Variants in CAPN8 observed in about 807,000 individuals in gnomAD.
CAPN8 encodes the protein calpain-8.
CAPN8 carries 87 observed loss-of-function variants against 80.9 expected under a neutral mutation model. The ratio of observed to expected loss-of-function variants is 1.07; its 90% CI spans 0.90 to 1.28. The LOEUF (loss-of-function observed/expected upper bound fraction) is 1.28, where lower values mean the gene tolerates loss of function less well. CAPN8 is among the 50% of genes most tolerant of loss of function. The pLI, the probability that CAPN8 is intolerant of heterozygous loss-of-function variation, is 0.00. For synonymous variants in CAPN8, 299 were observed against 273.8 expected (o/e 1.09, Z -0.91); for missense variants, 757 against 702.0 (o/e 1.08, Z -0.89).
At chr1:223,656,105 T>C (rs1401474205) in intron 1 of CAPN8, among the ~76,000 whole-genome samples, 9 of 151,596 alleles carry the variant, frequency 5.9e-5, no homozygotes, top group Non-Finnish European at 1.5e-5. Context: ...ATAGCCTCTA[T>C]AAGGTGCTGG....
chr1:223,614,128 G>A (rs1454354461), intron 10 of CAPN8, among the ~76,000 whole-genome samples: 1 of 152,186 alleles, frequency 6.6e-6, no homozygotes, highest in African/African-American at 2.4e-5. Context: ...GCTGAGTGCA[G>A]TGGCTCACGC....
In CAPN8 at chr1:223,549,349, T is replaced by G. The variant is rs1416017628; in HGVS notation, c.1733A>C (p.Asn578Thr). Residue 578 changes from asparagine (N) to threonine (T), a missense_variant, in exon 16 of 21, where the codon AAC becomes ACC. Asn to Thr is a moderately conservative substitution (Grantham distance 65). Transcript: ENST00000366872. Reference sequence around the variant, plus strand: ...CAGACTGATCATTTCCCTGCAAGTGTTGATGTTGAATCCATCGAATTTTAT... The same window carrying G: ...CAGACTGATCATTTCCCTGCAAGTGGTGATGTTGAATCCATCGAATTTTAT... ...TDIKFDGFNI[N>T]TCREMISLLD... The G allele has an allele frequency of 3.9e-6, 6 of 1,551,812 alleles. No homozygotes were observed. In the African/African-American group the frequency reaches 5.5e-5, roughly 14 times the overall value.
chr1:223,610,363 A>T (rs1217937506), intron 11 of CAPN8, among the ~76,000 whole-genome samples: 1 of 152,118 alleles, frequency 6.6e-6, no homozygotes, highest in Non-Finnish European at 1.5e-5. Flanking sequence ...GGCAGTCCCC[A>T]CTAACCCGGC....
At chr1:223,629,658 G>A (rs1657717946) in intron 2 of CAPN8, among the ~76,000 whole-genome samples, 1 of 152,166 alleles carries the variant, frequency 6.6e-6, no homozygotes, top group South Asian at 2.1e-4. Flanking sequence ...TAGAAGTGAC[G>A]TAACTTTGCT....
intron 2 of CAPN8, among the ~76,000 whole-genome samples, chr1:223,632,041 A>C (rs1033168366): frequency 2.0e-5 from 3 of 152,090 alleles, no homozygotes; most frequent in Non-Finnish European, 4.4e-5. Flanking sequence ...TCCGTTGCTG[A>C]CATCAAATGA....
At chr1:223,609,894 G>C (rs1365260374) in intron 11 of CAPN8, among the ~76,000 whole-genome samples, 1 of 152,226 alleles carries the variant, frequency 6.6e-6, no homozygotes, top group Non-Finnish European at 1.5e-5. Flanking sequence ...AGCTCTAAAA[G>C]AGACAGGCAG....
intron 2 of CAPN8, among the ~76,000 whole-genome samples, chr1:223,633,892 A>G (rs1657842463): frequency 6.6e-6 from 1 of 152,198 alleles, no homozygotes; most frequent in Non-Finnish European, 1.5e-5. Flanking sequence ...GACTGCAGGT[A>G]GAAAGAAAGA....
intron 19 of CAPN8, 145 bp from the exon 20 acceptor site, chr1:223,543,311 C>G: frequency 1.1e-6 from 1 of 929,600 alleles, no homozygotes; most frequent in East Asian, 2.7e-5. Context: ...CCCACCTAGG[C>G]CCAGGGGCCT....
chr1:223,645,563 G>T (rs1157690318), intron 2 of CAPN8, among the ~76,000 whole-genome samples: 2 of 152,200 alleles, frequency 1.3e-5, no homozygotes, highest in Non-Finnish European at 2.9e-5. Flanking sequence ...AGGGGGTGGG[G>T]GGACCACTCC....
intron 2 of CAPN8, among the ~76,000 whole-genome samples, chr1:223,647,803 T>C (rs896240892): frequency 2.0e-5 from 3 of 152,228 alleles, no homozygotes; most frequent in Non-Finnish European, 4.4e-5. Context: ...ATAATAATGC[T>C]GTGCTTTTCT....
chr1:223,551,638 G>A (rs1656789336), intron 14 of CAPN8, among the ~76,000 whole-genome samples: 2 of 152,218 alleles, frequency 1.3e-5, no homozygotes, highest in Admixed American at 1.3e-4. Flanking sequence ...GAACAGCAGT[G>A]ATAGGATTGA....
intron 20 of CAPN8, among the ~76,000 whole-genome samples, chr1:223,542,164 A>T (rs894456865): frequency 6.6e-6 from 1 of 151,838 alleles, no homozygotes; most frequent in Admixed American, 6.5e-5. Flanking sequence ...ACTATTATAT[A>T]CACACATATA....
In CAPN8 at chr1:223,665,524, G is replaced by A; in HGVS notation, c.123C>T (p.Asp41=). 1 of 1,551,776 alleles carries A rather than the reference G, an allele frequency of 6.4e-7. No individual in the cohort carries two copies. The highest frequency in any genetic ancestry group is 2.4e-5 in the East Asian group (1 of 40,906). Residue 41 remains aspartate, a synonymous_variant, in exon 1 of 21, where the codon GAC becomes GAT. Transcript: ENST00000366872. ...DFKTLRQQCL[D]SGVLFKDPEF... is the part of the protein sequence containing the mutation. ...CAGGGTCCTTAAATAGGACCCCTGA[G>A]TCCAAGCACTGTTGCCTCAGGGTCT...
chr1:223,650,645 C>A (rs912133553), intron 2 of CAPN8, among the ~76,000 whole-genome samples: 22 of 152,028 alleles, frequency 1.4e-4, no homozygotes, highest in Admixed American at 8.5e-4. Context: ...GTGCCAGGAA[C>A]ATTTAGATCC....
rs1011004394 is a variant in CAPN8 at position 223,627,130 on chromosome 1, A to G, written c.588T>C (p.Ala196=). 1.9e-6 allele frequency: 3 copies of G among 1,552,424 alleles called. No individual in the cohort carries two copies. In the Admixed American group the frequency reaches 5.9e-5, roughly 30 times the overall value. Residue 196 remains alanine (A), a synonymous_variant, in exon 5 of 21, where the codon GCT becomes GCC. Coordinates refer to ENST00000366872, the MANE Select transcript of CAPN8 (RefSeq NM_001143962.2). The part of the protein sequence containing the change: ...AKLNGCYEAL[A]GGSTVEGFED... Reference sequence around the variant, plus strand: ...CAAACCCCTCCACTGTGGAACCTCCAGCGAGAGCCTCATAACAACCATTAA... The same window carrying G: ...CAAACCCCTCCACTGTGGAACCTCCGGCGAGAGCCTCATAACAACCATTAA...
At chr1:223,638,136 C>T (rs1656717547) in intron 2 of CAPN8, among the ~76,000 whole-genome samples, 2 of 152,044 alleles carry the variant, frequency 1.3e-5, no homozygotes, top group Non-Finnish European at 2.9e-5. Context: ...TTTTTCTTAT[C>T]ATGATTCCCT....
chr1:223,619,586 C>T, intron 8 of CAPN8, 133 bp from the exon 9 acceptor site: 1 of 827,326 alleles, frequency 1.2e-6, no homozygotes, highest in Non-Finnish European at 1.9e-6. Flanking sequence ...TTTCCTACAG[C>T]ACACTGATAC....
chr1:223,621,925 C>T (rs1419709910), intron 7 of CAPN8, among the ~76,000 whole-genome samples: 1 of 151,952 alleles, frequency 6.6e-6, no homozygotes, highest in Non-Finnish European at 1.5e-5. Flanking sequence ...GGCCCAATCT[C>T]GGCTCACTGC....
rs535302996 is a variant in CAPN8, at chr1:223,620,596, G to A, written c.900-330C>T. Among the ~76,000 whole-genome samples, 11 of 152,292 alleles carry A rather than the reference G, an allele frequency of 7.2e-5. No homozygotes were observed. The South Asian group carries it at 2.3e-3, about 32-fold the overall frequency. ...TCCCAGGCCCCTGTTTGCAGGAATG[G>A]GGAGGCCCAGGAGAGAACGTGGATG... On this transcript the variant is annotated intron_variant, in intron 7 of 20. Coordinates refer to ENST00000366872, the MANE Select transcript of CAPN8 (RefSeq NM_001143962.2).
Sources: allele counts gnomAD v4.1 joint callset (sites outside exome capture counted in the v4.1 genomes callset), GRCh38; gene constraint gnomAD v4.1.1; transcripts MANE v1.5; gene names NCBI Gene and HGNC (gene_info 2026-07-23, HGNC 2026-07-21).